Variants in ZFHX3 observed in about 807,000 individuals in gnomAD.
ZFHX3 encodes the protein zinc finger homeobox 3.
A neutral mutation model predicts 279.1 loss-of-function variants in ZFHX3; 42 were observed. The ratio of observed to expected loss-of-function variants is 0.15; its 90% CI spans 0.12 to 0.19. ZFHX3 has a LOEUF of 0.19. ZFHX3 is among the 10% of genes least tolerant of loss of function. ZFHX3 has a pLI of 1.00. For synonymous variants in ZFHX3, 2,293 were observed against 1,957.8 expected (o/e 1.17, Z -4.52); for missense variants, 4,981 against 4,754.0 (o/e 1.05, Z -1.40).
intron 3 of ZFHX3, among the ~76,000 whole-genome samples, chr16:72,911,794 A>G (rs2039323903): frequency 6.6e-6 from 1 of 152,222 alleles, no homozygotes; most frequent in Non-Finnish European, 1.5e-5. Context: ...ATCATCACAG[A>G]AAGTTCTAGT....
intron 4 of ZFHX3, among the ~76,000 whole-genome samples, chr16:72,839,244 T>C (rs183677574): frequency 4.0e-5 from 6 of 151,502 alleles, no homozygotes; most frequent in African/African-American, 7.2e-5. Flanking sequence ...TACACTTCAA[T>C]GTCAGCGCGA....
At position 73,789,174 on chromosome 16, in the gene ZFHX3, GA is replaced by G. The variant is rs548416684; in HGVS notation, c.-1608+102476del. The stretch of plus-strand genomic sequence containing the variant: ...GGTATTTTATATATGGATAGATATG[GA>G]TTTTTTTATTATTTATTTTTTTTGA... On this transcript the variant is annotated intron_variant, in intron 1 of 17. Coordinates refer to the ZFHX3 transcript ENST00000641206. 4.0e-5 allele frequency among the ~76,000 whole-genome samples: 6 copies of G among 151,612 alleles called. No homozygotes were observed. In the East Asian group the frequency reaches 9.7e-4, roughly 25 times the overall value.
intron 5 of ZFHX3, among the ~76,000 whole-genome samples, chr16:73,247,302 C>T (rs1727215969): frequency 6.8e-6 from 1 of 148,014 alleles, no homozygotes; most frequent in African/African-American, 2.5e-5. Flanking sequence ...TGTCTATGTG[C>T]CTGTTTGTGG....
At chr16:72,977,930 T>C (rs2144530927) in intron 1 of ZFHX3, among the ~76,000 whole-genome samples, 1 of 152,184 alleles carries the variant, frequency 6.6e-6, no homozygotes, top group Admixed American at 6.5e-5. Flanking sequence ...AGTGGCACGA[T>C]CTCGGCTCAC....
chr16:73,312,097 C>G lies in ZFHX3; in HGVS notation c.-1194+6143G>C, dbSNP rs185457816. Among the ~76,000 whole-genome samples the G allele has an allele frequency of 4.6e-3, 696 of 152,204 alleles. 7 individuals are homozygous for G. The highest frequency in any genetic ancestry group is 5.3e-3 in the Non-Finnish European group (363 of 68,026). ...GGCTGTTGAAAACCTGGAGTAGGTC[C>G]AGATGACAGCAACCAAAATAAGGAG... On this transcript the variant is annotated intron_variant, in intron 4 of 17. Coordinates refer to the ZFHX3 transcript ENST00000641206.
intron 3 of ZFHX3, among the ~76,000 whole-genome samples, chr16:73,394,620 C>T (rs1371967501): frequency 1.3e-5 from 2 of 152,048 alleles, no homozygotes; most frequent in Non-Finnish European, 2.9e-5. Context: ...TGAAATAATA[C>T]TTTACATGAA....
At position 73,465,304 on chromosome 16, in the gene ZFHX3, G is replaced by A. The variant is rs1421510549; in HGVS notation, c.-1546-9046C>T. On this transcript the variant is annotated intron_variant, in intron 2 of 17. Transcript: ENST00000641206. ...GCTAAAATCTAGATGGAGGGTCTGA[G>A]GGCTAAGCCAAGTCTTCAGGGCGTG... is the stretch of plus-strand genomic sequence containing the variant. 3.9e-5 allele frequency among the ~76,000 whole-genome samples: 6 copies of A among 152,200 alleles called. No individual in the cohort carries two copies. The East Asian group carries it at 1.2e-3, about 29-fold the overall frequency.
chr16:73,733,040 T>C (rs1269035872), intron 1 of ZFHX3, among the ~76,000 whole-genome samples: 1 of 152,208 alleles, frequency 6.6e-6, no homozygotes, highest in Non-Finnish European at 1.5e-5. Context: ...GGTGATGCTT[T>C]TTTACTGTGT....
At chr16:73,710,709 G>A (rs1239612593) in intron 1 of ZFHX3, among the ~76,000 whole-genome samples, 1 of 152,156 alleles carries the variant, frequency 6.6e-6, no homozygotes, top group Non-Finnish European at 1.5e-5. Flanking sequence ...CAGGCTCACA[G>A]CCGCTGTGTC....
At chr16:73,529,805 G>A (rs889861856) in intron 2 of ZFHX3, among the ~76,000 whole-genome samples, 3 of 152,158 alleles carry the variant, frequency 2.0e-5, no homozygotes, top group African/African-American at 7.2e-5. Flanking sequence ...CCCAACTGAT[G>A]CACCTGTTTC....
chr16:72,865,774 C>T (rs963892855), intron 4 of ZFHX3, among the ~76,000 whole-genome samples: 3 of 152,166 alleles, frequency 2.0e-5, no homozygotes, highest in African/African-American at 7.2e-5. Flanking sequence ...CTGACCAAGG[C>T]TTCTGTATCC....
intron 5 of ZFHX3, among the ~76,000 whole-genome samples, chr16:73,239,115 C>T (rs2013041773): frequency 6.6e-6 from 1 of 152,108 alleles, no homozygotes; most frequent in Non-Finnish European, 1.5e-5. Flanking sequence ...AAACTGGGTG[C>T]TTAATAAATT....
At chr16:73,283,250 G>C (rs1173063906) in intron 4 of ZFHX3, among the ~76,000 whole-genome samples, 1 of 152,098 alleles carries the variant, frequency 6.6e-6, no homozygotes, top group East Asian at 1.9e-4. Context: ...TCCTCGTTTT[G>C]GTATTGCTTT....
Position 73,426,958 on chromosome 16 carries a change from C to T in ZFHX3, c.-1291+29045G>A, listed in dbSNP as rs77153843. On this transcript the variant is annotated intron_variant, in intron 3 of 17. Transcript: ENST00000641206. ...AGACTTTTAGTGTAATTTACGGGGT[C>T]CAGTCATTGTGCCTGGGTGTCTGGC... Among the ~76,000 whole-genome samples the T allele has an allele frequency of 1.0e-2, 1,515 of 152,164 alleles. 8 individuals are homozygous for T. The highest frequency in any genetic ancestry group is 0.016 in the Non-Finnish European group (1,057 of 68,006).
chr16:73,466,040 G>A lies in ZFHX3; in HGVS notation c.-1546-9782C>T, dbSNP rs2018565028. Among the ~76,000 whole-genome samples, 5 of 151,740 alleles carry A rather than the reference G, an allele frequency of 3.3e-5. No homozygotes were observed. In the South Asian group the frequency reaches 1.0e-3, roughly 32 times the overall value. ...AACACAAGAATGTCGGTGAACCCTT[G>A]GGGTCTGAAGATTCCAGTATGAAAA... On this transcript the variant is annotated intron_variant, in intron 2 of 17. Transcript: ENST00000641206.
intron 4 of ZFHX3, among the ~76,000 whole-genome samples, chr16:73,310,356 T>A (rs1012594529): frequency 2.6e-5 from 4 of 152,190 alleles, no homozygotes; most frequent in African/African-American, 9.7e-5. Context: ...AAGTGACCAA[T>A]TTTTAGCTGG....
intron 2 of ZFHX3, among the ~76,000 whole-genome samples, chr16:73,678,830 T>C (rs947406383): frequency 6.6e-6 from 1 of 152,140 alleles, no homozygotes; most frequent in African/African-American, 2.4e-5. Context: ...TCCATACCAT[T>C]AGCACACACC....
At chr16:73,402,173 A>G (rs1481963055) in intron 3 of ZFHX3, 1 of 152,180 alleles carries the variant, frequency 6.6e-6, no homozygotes, top group African/African-American at 2.4e-5. Flanking sequence ...ATTTAAATAC[A>G]TATTAGTTTT....
Position 72,788,264 on chromosome 16 carries a change from T to C in ZFHX3, c.10012A>G (p.Met3338Val), listed in dbSNP as rs2035539361. 1.9e-6 allele frequency: 3 copies of C among 1,614,172 alleles called. No individual in the cohort carries two copies. The highest frequency in any genetic ancestry group is 2.5e-6 in the Non-Finnish European group (3 of 1,180,024). Reference protein sequence around the residue: ...QSGYLQPMYGMEGLFPYSPAL... With the variant: ...QSGYLQPMYGVEGLFPYSPAL... ...GGGCTGTAGGGGAACAGGCCTTCCA[T>C]GCCATACATAGGCTGCAGGTACCCG... The change falls in exon 10 of 10, where the codon ATG (methionine) becomes GTG (valine). Residue 3338 changes from methionine (M) to valine (V), a missense_variant. By Grantham distance (21) the Met-to-Val change is conservative (BLOSUM62 1). Around this residue, in one of 7 missense-constraint regions of ZFHX3, gnomAD observed 1,034 missense variants for 786.0 expected, o/e 1.32. Coordinates refer to ENST00000268489, the MANE Select transcript of ZFHX3 (RefSeq NM_006885.4).
Sources: allele counts gnomAD v4.1 joint callset (sites outside exome capture counted in the v4.1 genomes callset), GRCh38; gene constraint gnomAD v4.1.1; regional missense constraint gnomAD v4.1.1; transcripts MANE v1.5; gene names NCBI Gene and HGNC (gene_info 2026-07-23, HGNC 2026-07-21).